Variants in PCDHB15 observed in about 807,000 individuals in gnomAD.
PCDHB15 encodes the protein protocadherin beta 15.
For synonymous variants in PCDHB15, 492 were observed against 447.9 expected (o/e 1.10, Z -1.24); for missense variants, 1,032 against 991.7 (o/e 1.04, Z -0.55).
In PCDHB15 at chr5:141,246,165, T is replaced by G; in HGVS notation, c.587T>G (p.Leu196Arg). The G allele has an allele frequency of 1.2e-6, 2 of 1,614,220 alleles. No homozygotes were observed. Among genetic ancestry groups the G allele is most frequent in the Non-Finnish European group, 1.7e-6 (2 of 1,180,036 alleles). Residue 196 changes from leucine (L) to arginine (R), a missense_variant, in exon 1 of 1, where the codon CTG (leucine) becomes CGG (arginine). Physicochemically the swap from Leu to Arg is moderately radical, Grantham distance 102. Transcript: ENST00000231173. ...GGCAGGAAATACCCAGAGCTGGTGC[T>G]GGACACAGAACTGGATCGCGAGGAG... is the stretch of plus-strand genomic sequence containing the variant. Reference protein sequence around the residue: ...GDGRKYPELVLDTELDREEQA... With the variant: ...GDGRKYPELVRDTELDREEQA...
At position 141,246,832 on chromosome 5, in the gene PCDHB15, C is replaced by T; in HGVS notation, c.1254C>T (p.Asn418=). 5 of 1,614,170 alleles carry T rather than the reference C, an allele frequency of 3.1e-6. No individual in the cohort carries two copies. Among genetic ancestry groups the T allele is most frequent in the South Asian group, 1.1e-5 (1 of 91,084 alleles). ...ALDRETRAEY[N]ITITITDLGT... Reference sequence around the variant, plus strand: ...ACAGAGAGACCAGAGCCGAGTACAACATCACCATCACCATCACAGACTTGG... The same window carrying T: ...ACAGAGAGACCAGAGCCGAGTACAATATCACCATCACCATCACAGACTTGG... Residue 418 remains asparagine, a synonymous_variant, in exon 1 of 1, where the codon AAC becomes AAT. Coordinates refer to ENST00000231173, the MANE Select transcript of PCDHB15 (RefSeq NM_018935.4).
chr5:141,245,897 C>G lies in PCDHB15; in HGVS notation c.319C>G (p.Gln107Glu). Residue 107 changes from glutamine to glutamate, a missense_variant, in exon 1 of 1, where the codon CAA becomes GAA. Coordinates refer to ENST00000231173, the MANE Select transcript of PCDHB15 (RefSeq NM_018935.4). Reference sequence around the variant, plus strand: ...TACTGAGCCCTGTATAATGCATTTCCAAGTGTTACTGAAAAAACCTTTGGA... The same window carrying G: ...TACTGAGCCCTGTATAATGCATTTCGAAGTGTTACTGAAAAAACCTTTGGA... ...GPTEPCIMHF[Q>E]VLLKKPLEVF... The G allele has an allele frequency of 6.2e-7, 1 of 1,614,152 alleles. No individual in the cohort carries two copies. The highest frequency in any genetic ancestry group is 8.5e-7 in the Non-Finnish European group (1 of 1,180,028).
In PCDHB15 at chr5:141,246,245, T is replaced by A. The variant is rs782659998; in HGVS notation, c.667T>A (p.Ser223Thr). The change falls in exon 1 of 1, where the codon TCT becomes ACT. Residue 223 changes from serine (S) to threonine (T), a missense_variant. By Grantham distance (58) the Ser-to-Thr change is moderately conservative. Transcript: ENST00000231173. Reference sequence around the variant, plus strand: ...GGTGGACGGTGGCTCTCCACCCCGATCTGGCACCGTCCAGATCCTCATCTT... The same window carrying A: ...GGTGGACGGTGGCTCTCCACCCCGAACTGGCACCGTCCAGATCCTCATCTT... ...TAVDGGSPPRSGTVQILILVL... is the reference protein window; with the variant it reads ...TAVDGGSPPRTGTVQILILVL... 3.7e-6 allele frequency: 6 copies of A among 1,614,038 alleles called. No individual in the cohort carries two copies. In the African/African-American group the frequency reaches 8.0e-5, roughly 22 times the overall value.
rs1202347954 is a variant in PCDHB15 at position 141,246,425 on chromosome 5, T to C, written c.847T>C (p.Tyr283His). 1.9e-6 allele frequency: 3 copies of C among 1,614,012 alleles called. No homozygotes were observed. Among genetic ancestry groups the C allele is most frequent in the Non-Finnish European group, 2.5e-6 (3 of 1,179,996 alleles). ...TGGAGAGATATCATACTCCCTTTAT[T>C]ACAGCTCTCAGGAGATAGACAAACC... ...TNGEISYSLY[Y>H]SSQEIDKPFE... Residue 283 changes from tyrosine to histidine, a missense_variant, in exon 1 of 1, where the codon TAC (tyrosine) becomes CAC (histidine). Physicochemically the swap from Tyr to His is moderately conservative, Grantham distance 83. Transcript: ENST00000231173.
rs371573313 is a variant in PCDHB15, at chr5:141,245,613, G to A, written c.35G>A (p.Arg12Lys). 22 of 1,614,086 alleles carry A rather than the reference G, an allele frequency of 1.4e-5. No homozygotes were observed. Among genetic ancestry groups the A allele is most frequent in the Non-Finnish European group, 1.8e-5 (21 of 1,180,048 alleles). ...GCAGGGGAGCGCTTTCCCGAACAAA[G>A]GCAAGTCCTGATTCTCCTTCTTTTA... ...EPAGERFPEQRQVLILLLLLE... is the reference protein window; with the variant it reads ...EPAGERFPEQKQVLILLLLLE... The change falls in exon 1 of 1, where the codon AGG becomes AAG. Residue 12 changes from arginine to lysine, a missense_variant. By Grantham distance (26) the Arg-to-Lys change is conservative. Transcript: ENST00000231173.
chr5:141,246,826 G>A lies in PCDHB15; in HGVS notation c.1248G>A (p.Glu416=), dbSNP rs569526122. 1.2e-6 allele frequency: 2 copies of A among 1,614,166 alleles called. No individual in the cohort carries two copies. Among genetic ancestry groups the A allele is most frequent in the East Asian group, 2.2e-5 (1 of 44,866 alleles). Reference sequence around the variant, plus strand: ...CGCTGGACAGAGAGACCAGAGCCGAGTACAACATCACCATCACCATCACAG... The same window carrying A: ...CGCTGGACAGAGAGACCAGAGCCGAATACAACATCACCATCACCATCACAG... The part of the protein sequence containing the change: ...EGALDRETRA[E]YNITITITDL... The change falls in exon 1 of 1, where the codon GAG becomes GAA. Residue 416 remains glutamate (E), a synonymous_variant. Transcript: ENST00000231173.
At position 141,248,088 on chromosome 5, in the gene PCDHB15, G is replaced by T. The variant is rs1248177937; in HGVS notation, c.*146G>T. The T allele has an allele frequency of 4.6e-6, 3 of 655,270 alleles. No homozygotes were observed. The highest frequency in any genetic ancestry group is 6.2e-5 in the East Asian group (2 of 32,204). 40.6% of individuals were successfully genotyped at this position (655,270 alleles called of 1,614,324 possible). ...TTTAGTAATGTTACTCATTTCCTTT[G>T]TCTGATTGTTAGTTTTCAAATTATT... On this transcript the variant is annotated 3_prime_UTR_variant, in exon 1 of 1. Coordinates refer to ENST00000231173, the MANE Select transcript of PCDHB15 (RefSeq NM_018935.4).
chr5:141,246,584 A>G lies in PCDHB15; in HGVS notation c.1006A>G (p.Lys336Glu), dbSNP rs1554291958. The change falls in exon 1 of 1, where the codon AAG becomes GAG. Residue 336 changes from lysine (K) to glutamate (E), a missense_variant. Physicochemically the swap from Lys to Glu is moderately conservative, Grantham distance 56. Transcript: ENST00000231173. ...GLSGKCSVSV[K>E]VLDVNDNFPE... ...TTCTGGAAAATGCTCTGTCTCTGTT[A>G]AGGTGCTGGATGTTAACGATAACTT... 1 of 1,614,174 alleles carries G rather than the reference A, an allele frequency of 6.2e-7. No homozygotes were observed. Among genetic ancestry groups the G allele is most frequent in the Admixed American group, 1.7e-5 (1 of 60,028 alleles).
chr5:141,247,748 C>T lies in PCDHB15; in HGVS notation c.2170C>T (p.Arg724Cys), dbSNP rs782368695. The change falls in exon 1 of 1, where the codon CGC becomes TGC. Residue 724 changes from arginine (R) to cysteine (C), a missense_variant. Physicochemically the swap from Arg to Cys is radical, Grantham distance 180 (BLOSUM62 -3). Transcript: ENST00000231173. ...CRRSRAASVG[R>C]CSVPEGPFPG... The stretch of plus-strand genomic sequence containing the variant: ...GAGGAGCAGGGCGGCCTCAGTGGGT[C>T]GCTGCTCGGTGCCCGAGGGCCCCTT... 39 of 1,613,924 alleles carry T rather than the reference C, an allele frequency of 2.4e-5. No individual in the cohort carries two copies. In the Admixed American group the frequency reaches 6.0e-4, roughly 25 times the overall value.
At position 141,246,816 on chromosome 5, in the gene PCDHB15, C is replaced by A. The variant is rs368915401; in HGVS notation, c.1238C>A (p.Thr413Asn). Residue 413 changes from threonine to asparagine, a missense_variant, in exon 1 of 1, where the codon ACC (threonine) becomes AAC (asparagine). By Grantham distance (65) the Thr-to-Asn change is moderately conservative. Transcript: ENST00000231173. ...ACAGAAGGGGCGCTGGACAGAGAGA[C>A]CAGAGCCGAGTACAACATCACCATC... ...LVTEGALDRE[T>N]RAEYNITITI... The A allele has an allele frequency of 6.2e-7, 1 of 1,613,996 alleles. No homozygotes were observed. Among genetic ancestry groups the A allele is most frequent in the Non-Finnish European group, 8.5e-7 (1 of 1,180,038 alleles).
rs956464220 is a variant in PCDHB15 at position 141,246,610 on chromosome 5, C to T, written c.1032C>T (p.Phe344=). 20 of 1,613,990 alleles carry T rather than the reference C, an allele frequency of 1.2e-5. No homozygotes were observed. Among genetic ancestry groups the T allele is most frequent in the Non-Finnish European group, 1.6e-5 (19 of 1,180,048 alleles). Reference sequence around the variant, plus strand: ...AGGTGCTGGATGTTAACGATAACTTCCCGGAACTAAGTATTTCATCACTTA... The same window carrying T: ...AGGTGCTGGATGTTAACGATAACTTTCCGGAACTAAGTATTTCATCACTTA... ...SVKVLDVNDN[F]PELSISSLTS... is the part of the protein sequence containing the mutation. The change falls in exon 1 of 1, where the codon TTC becomes TTT. Residue 344 remains phenylalanine (F), a synonymous_variant. Coordinates refer to ENST00000231173, the MANE Select transcript of PCDHB15 (RefSeq NM_018935.4).
rs781845145 is a variant in PCDHB15, at chr5:141,247,288, G to A, written c.1710G>A (p.Ala570=). The A allele has an allele frequency of 1.2e-6, 2 of 1,609,920 alleles. No homozygotes were observed. Among genetic ancestry groups the A allele is most frequent in the Non-Finnish European group, 1.7e-6 (2 of 1,179,222 alleles). ...FVLYPLQNGS[A]PCTELVPRAA... ...TGTACCCGCTGCAGAACGGCTCCGC[G>A]CCCTGCACCGAGCTGGTGCCCCGGG... The change falls in exon 1 of 1, where the codon GCG becomes GCA. Residue 570 remains alanine, a synonymous_variant. Transcript: ENST00000231173.
Position 141,245,810 on chromosome 5 carries a change from G to A in PCDHB15, c.232G>A (p.Asp78Asn). 6.2e-7 allele frequency: 1 copy of A among 1,614,224 alleles called. No homozygotes were observed. The change falls in exon 1 of 1, where the codon GAT becomes AAT. Residue 78 changes from aspartate (D) to asparagine (N), a missense_variant. Physicochemically the swap from Asp to Asn is conservative, Grantham distance 23. Transcript: ENST00000231173. ...SEDNEQGLQL[D>N]LQTGQLILNE... ...GGATAACGAACAAGGCTTGCAGCTT[G>A]ATCTGCAGACCGGGCAGTTGATATT... is the stretch of plus-strand genomic sequence containing the variant.
Position 141,248,066 on chromosome 5 carries a change from A to G in PCDHB15, c.*124A>G. On this transcript the variant is annotated 3_prime_UTR_variant, in exon 1 of 1. Transcript: ENST00000231173. ...TTTTTAAATTTCTACTGTTGTCTTT[A>G]GTAATGTTACTCATTTCCTTTGTCT... 1 of 875,926 alleles carries G rather than the reference A, an allele frequency of 1.1e-6. No homozygotes were observed. Among genetic ancestry groups the G allele is most frequent in the Non-Finnish European group, 1.7e-6 (1 of 601,082 alleles). 54.3% of individuals were successfully genotyped at this position (875,926 alleles called of 1,614,324 possible).
Position 141,246,767 on chromosome 5 carries a change from G to C in PCDHB15, c.1189G>C (p.Val397Leu), listed in dbSNP as rs782335307. Residue 397 changes from valine to leucine, a missense_variant, in exon 1 of 1, where the codon GTT becomes CTT. Transcript: ENST00000231173. ...TGTTCCTTTTAAGCTAAAACCTTCT[G>C]TTGAGAATTTCTACAGGCTGGTAAC... ...DDVPFKLKPS[V>L]ENFYRLVTEG... 6.2e-7 allele frequency: 1 copy of C among 1,614,162 alleles called. No individual in the cohort carries two copies. Among genetic ancestry groups the C allele is most frequent in the South Asian group, 1.1e-5 (1 of 91,078 alleles).
chr5:141,248,003 G>T lies in PCDHB15; in HGVS notation c.*61G>T. The T allele has an allele frequency of 1.4e-6, 2 of 1,473,706 alleles. No homozygotes were observed. Among genetic ancestry groups the T allele is most frequent in the Non-Finnish European group, 1.8e-6 (2 of 1,102,596 alleles). 91.3% of individuals were successfully genotyped at this position (1,473,706 alleles called of 1,614,324 possible). ...TTTGTCTTCCTCACTTTTCACCTTA[G>T]TTTTTTTTAACCCTTTAGTAATCTT... On this transcript the variant is annotated 3_prime_UTR_variant, in exon 1 of 1. Transcript: ENST00000231173.
Position 141,248,779 on chromosome 5 carries a change from A to G in PCDHB15, c.*837A>G, listed in dbSNP as rs970112239. 6.6e-6 allele frequency: 1 copy of G among 152,182 alleles called. No homozygotes were observed. Among genetic ancestry groups the G allele is most frequent in the African/African-American group, 2.4e-5 (1 of 41,438 alleles). The allele number at this position is 152,182 out of a possible 1,614,324, so 9.4% of individuals were successfully genotyped here. On this transcript the variant is annotated 3_prime_UTR_variant, in exon 1 of 1. Transcript: ENST00000231173. The stretch of plus-strand genomic sequence containing the variant: ...TGGGCTTAGAGGAGCTTCTGATGGT[A>G]CAGTATGCCAACATCTACTTGTTTT...
rs1554292041 is a variant in PCDHB15, at chr5:141,246,879, A to T, written c.1301A>T (p.Glu434Val). The stretch of plus-strand genomic sequence containing the variant: ...TTGGGGACTCCAAGGCTGAAAACCG[A>T]GCAGAGCATAACCGTGCTGGTGTCG... ...TDLGTPRLKTEQSITVLVSDV... is the reference protein window; with the variant it reads ...TDLGTPRLKTVQSITVLVSDV... The change falls in exon 1 of 1, where the codon GAG becomes GTG. Residue 434 changes from glutamate (E) to valine (V), a missense_variant. Physicochemically the swap from Glu to Val is moderately radical, Grantham distance 121. Coordinates refer to ENST00000231173, the MANE Select transcript of PCDHB15 (RefSeq NM_018935.4). 1 of 1,614,060 alleles carries T rather than the reference A, an allele frequency of 6.2e-7. No individual in the cohort carries two copies. Among genetic ancestry groups the T allele is most frequent in the Non-Finnish European group, 8.5e-7 (1 of 1,180,028 alleles).
chr5:141,246,337 G>A lies in PCDHB15; in HGVS notation c.759G>A (p.Glu253=), dbSNP rs1023251433. The A allele has an allele frequency of 6.2e-7, 1 of 1,614,002 alleles. No individual in the cohort carries two copies. Among genetic ancestry groups the A allele is most frequent in the African/African-American group, 1.3e-5 (1 of 74,928 alleles). ...CGCTCTACGAGGTGCAGGTCCCAGA[G>A]AACAGCCCAGTAGGCTCCCTAGTTG... is the stretch of plus-strand genomic sequence containing the variant. ...VQALYEVQVP[E]NSPVGSLVVK... Residue 253 remains glutamate, a synonymous_variant, in exon 1 of 1, where the codon GAG becomes GAA. Coordinates refer to ENST00000231173, the MANE Select transcript of PCDHB15 (RefSeq NM_018935.4).
Sources: allele counts gnomAD v4.1 joint callset, GRCh38; gene constraint gnomAD v4.1.1; transcripts MANE v1.5; gene names NCBI Gene and HGNC (gene_info 2026-07-23, HGNC 2026-07-21).